DGKD: variants seen among roughly 807,000 people sequenced by gnomAD.
The protein encoded by DGKD is diacylglycerol kinase delta.
Under a neutral mutation model 154.4 loss-of-function variants are expected in DGKD, and 68 were observed. The ratio of observed to expected loss-of-function variants is 0.44; its 90% CI spans 0.36 to 0.54. The LOEUF is 0.54. Ranked by LOEUF, DGKD falls within the 20% of genes least tolerant of loss-of-function variation. The probability of loss-of-function intolerance (pLI) is 0.00; values close to 1 mark genes in which losing one functional copy is unlikely to be tolerated. For missense variants in DGKD, 1,343 were observed against 1,593.6 expected (o/e 0.84, Z 2.68); for synonymous variants, 693 against 638.0 (o/e 1.09, Z -1.30).
intron 3 of DGKD, among the ~76,000 whole-genome samples, chr2:233,398,148 T>A (rs991126902): frequency 1.6e-5 from 2 of 124,536 alleles, no homozygotes; most frequent in Non-Finnish European, 3.2e-5. Flanking sequence ...AAAGGTAAAA[T>A]TTTTTTTTTT....
At chr2:233,406,918 A>G (rs2061700529) in intron 3 of DGKD, among the ~76,000 whole-genome samples, 2 of 152,224 alleles carry the variant, frequency 1.3e-5, no homozygotes, top group Non-Finnish European at 2.9e-5. Context: ...GTGATTTTTC[A>G]TGTCTGTATT....
At chr2:233,407,486 C>T (rs1004363642) in intron 3 of DGKD, among the ~76,000 whole-genome samples, 1 of 152,178 alleles carries the variant, frequency 6.6e-6, no homozygotes, top group African/African-American at 2.4e-5. Flanking sequence ...CTTGTCATGG[C>T]AGAGCACGGT....
chr2:233,447,439 G>A (rs1575140624), intron 12 of DGKD: 2 of 980,216 alleles, frequency 2.0e-6, no homozygotes, highest in Non-Finnish European at 2.4e-6. Context: ...AGCAAACAAG[G>A]CCTGCAGGCC....
chr2:233,448,706 T>A (rs115168160), intron 14 of DGKD, among the ~76,000 whole-genome samples: 1,542 of 152,294 alleles, frequency 0.01, 32 homozygotes, highest in African/African-American at 0.035. Context: ...GTAGCTTGCA[T>A]TCAGTCTGAT....
chr2:233,358,221 A>G lies in DGKD; in HGVS notation c.156+3547A>G, dbSNP rs115861002. On this transcript the variant is annotated intron_variant, in intron 1 of 29. Coordinates refer to ENST00000264057, the MANE Select transcript of DGKD (RefSeq NM_152879.3). Reference sequence around the variant, plus strand: ...CGACCAGCACATTCACCAGCACATTATAAGGTATTTTGAAATTTCAGTGAA... The same window carrying G: ...CGACCAGCACATTCACCAGCACATTGTAAGGTATTTTGAAATTTCAGTGAA... Among the ~76,000 whole-genome samples the G allele has an allele frequency of 4.5e-3, 681 of 152,362 alleles. 6 individuals are homozygous for G. Among genetic ancestry groups the G allele is most frequent in the African/African-American group, 0.015 (643 of 41,584 alleles).
At chr2:233,390,264 T>C (rs976187465) in intron 2 of DGKD, 139 bp from the exon 3 acceptor site, 6 of 517,054 alleles carry the variant, frequency 1.2e-5, no homozygotes, top group African/African-American at 2.0e-5. Context: ...GCTTATTGAT[T>C]GGATGCTACA....
rs114353765 is a variant in DGKD at position 233,449,447 on chromosome 2, C to T, written c.1888+71C>T. The T allele has an allele frequency of 1.2e-3, 1,836 of 1,514,506 alleles. 20 individuals are homozygous for T. In the African/African-American group the frequency reaches 0.021, roughly 17 times the overall value. The allele number at this position is 1,514,506 out of a possible 1,614,324, so 93.8% of individuals were successfully genotyped here. The stretch of plus-strand genomic sequence containing the variant: ...GGGCATGCCCAGCGTCCCCTGAACA[C>T]GGAGATGACAGAAGGGTGCATGTTG... On this transcript the variant is annotated intron_variant, in intron 15 of 29. Transcript: ENST00000264057. This position sits in a 1 kb window ranked among gnomAD's most constrained non-coding sequence, Gnocchi z 5.3.
chr2:233,460,176 G>A lies in DGKD; in HGVS notation c.2830-18G>A. 1.2e-6 allele frequency: 2 copies of A among 1,612,798 alleles called. No individual in the cohort carries two copies. The highest frequency in any genetic ancestry group is 1.7e-6 in the Non-Finnish European group (2 of 1,179,280). Reference sequence around the variant, plus strand: ...ATGCTTCAGAGCAGCAGGTGTAATTGGGCTTTCGGGTCCATAGGCATTTGA... The same window carrying A: ...ATGCTTCAGAGCAGCAGGTGTAATTAGGCTTTCGGGTCCATAGGCATTTGA... On this transcript the variant is annotated intron_variant, in intron 23 of 29. Coordinates refer to ENST00000264057, the MANE Select transcript of DGKD (RefSeq NM_152879.3).
chr2:233,407,560 G>C (rs953986188), intron 3 of DGKD, among the ~76,000 whole-genome samples: 1 of 152,156 alleles, frequency 6.6e-6, no homozygotes, highest in East Asian at 1.9e-4. Context: ...GAGGCTAGGA[G>C]TTTAAGACCA....
chr2:233,457,162 G>C lies in DGKD; in HGVS notation c.2473-59G>C. On this transcript the variant is annotated intron_variant, in intron 20 of 29. Coordinates refer to ENST00000264057, the MANE Select transcript of DGKD (RefSeq NM_152879.3). This position sits in a 1 kb window ranked among gnomAD's most constrained non-coding sequence, Gnocchi z 5.5. Reference sequence around the variant, plus strand: ...CCCCTGGCGGTGGGAAGCTGGTAGAGAAGGAGGGGCTGACTCATACCTTTC... The same window carrying C: ...CCCCTGGCGGTGGGAAGCTGGTAGACAAGGAGGGGCTGACTCATACCTTTC... 1 of 1,419,604 alleles carries C rather than the reference G, an allele frequency of 7.0e-7. No individual in the cohort carries two copies. The highest frequency in any genetic ancestry group is 9.6e-7 in the Non-Finnish European group (1 of 1,039,788). The allele number at this position is 1,419,604 out of a possible 1,614,324, so 87.9% of individuals were successfully genotyped here.
intron 4 of DGKD, 62 bp downstream of exon 4, chr2:233,434,546 C>A: frequency 6.6e-7 from 1 of 1,518,122 alleles, no homozygotes; most frequent in Non-Finnish European, 9.1e-7. Flanking sequence ...CCAGTGTCTG[C>A]TGTCTGAGTG....
Position 233,388,326 on chromosome 2 carries a change from A to C in DGKD, c.226A>C (p.Lys76Gln). The change falls in exon 2 of 30, where the codon AAG (lysine) becomes CAG (glutamine). Residue 76 changes from lysine (K) to glutamine (Q), a missense_variant. Coordinates refer to ENST00000264057, the MANE Select transcript of DGKD (RefSeq NM_152879.3). ...SFQRSKRRYF[K>Q]LRGRTLYYAK... Reference sequence around the variant, plus strand: ...CCAGCGATCAAAAAGGAGATACTTTAAGCTTCGAGGGCGAACGCTTTACTA... The same window carrying C: ...CCAGCGATCAAAAAGGAGATACTTTCAGCTTCGAGGGCGAACGCTTTACTA... The C allele has an allele frequency of 6.2e-7, 1 of 1,614,176 alleles. No homozygotes were observed. Among genetic ancestry groups the C allele is most frequent in the African/African-American group, 1.3e-5 (1 of 75,058 alleles).
intron 26 of DGKD, chr2:233,463,698 G>A (rs59160392): frequency 0.23 from 41,844 of 182,618 alleles, 6,833 homozygotes; most frequent in African/African-American, 0.43. Flanking sequence ...CTCACTCCAC[G>A]CATCACCTCA....
intron 3 of DGKD, among the ~76,000 whole-genome samples, chr2:233,394,683 T>G (rs952005113): frequency 1.4e-5 from 2 of 146,264 alleles, no homozygotes; most frequent in African/African-American, 5.1e-5. Context: ...TATTTTGAAT[T>G]TAATTCCCTT....
At chr2:233,409,974 A>T (rs1202482126) in intron 3 of DGKD, among the ~76,000 whole-genome samples, 1 of 151,820 alleles carries the variant, frequency 6.6e-6, no homozygotes, top group Non-Finnish European at 1.5e-5. Context: ...AGAAAAGTCG[A>T]TGCTGTTTTC....
intron 3 of DGKD, among the ~76,000 whole-genome samples, chr2:233,399,360 C>A (rs1023669826): frequency 6.6e-6 from 1 of 152,192 alleles, no homozygotes; most frequent in Non-Finnish European, 1.5e-5. Context: ...CCTCATTGTT[C>A]GGCTCTGCAG....
At position 233,452,094 on chromosome 2, in the gene DGKD, G is replaced by A. The variant is rs1391076332; in HGVS notation, c.2264+34G>A. 5 of 1,570,178 alleles carry A rather than the reference G, an allele frequency of 3.2e-6. No homozygotes were observed. The highest frequency in any genetic ancestry group is 1.1e-5 in the South Asian group (1 of 90,084). On this transcript the variant is annotated intron_variant, in intron 18 of 29. Coordinates refer to ENST00000264057, the MANE Select transcript of DGKD (RefSeq NM_152879.3). This position sits in a 1 kb window ranked among gnomAD's most constrained non-coding sequence, Gnocchi z 4.0. ...GAGGGATAAACCGAGTGGGCATATT[G>A]TTACATGGCTGCTAGTGCATAGAAA...
intron 1 of DGKD, among the ~76,000 whole-genome samples, chr2:233,374,423 C>G (rs529636153): frequency 2.6e-5 from 4 of 152,230 alleles, no homozygotes; most frequent in African/African-American, 9.6e-5. Flanking sequence ...CAGCCTTGGA[C>G]TCTTGGGCTC....
At chr2:233,375,344 C>T (rs1030249673) in intron 1 of DGKD, among the ~76,000 whole-genome samples, 1 of 151,780 alleles carries the variant, frequency 6.6e-6, no homozygotes, top group Non-Finnish European at 1.5e-5. Flanking sequence ...AGGATGTTAT[C>T]TCGGCATGTG....
Sources: gnomAD v4.1 joint callset for allele counts (sites outside exome capture counted in the v4.1 genomes callset) on GRCh38, gnomAD v4.1.1 for gene constraint, Gnocchi (gnomAD v3.1) non-coding constraint, MANE v1.5 for transcripts, NCBI Gene and HGNC (gene_info 2026-07-23, HGNC 2026-07-21) for gene names.